The following SFXN5 variants were observed in gnomAD, a reference collection of about 807,000 sequenced individuals.
SFXN5 encodes the protein sideroflexin-5.
SFXN5 carries 43 observed loss-of-function variants against 50.2 expected under a neutral mutation model. That is an observed-to-expected ratio of 0.86 (90% CI 0.67 to 1.11). The LOEUF (loss-of-function observed/expected upper bound fraction) is 1.11. Ranked by LOEUF, SFXN5 falls within the 50% of genes least tolerant of loss-of-function variation. SFXN5 has a pLI of 0.00. For missense variants in SFXN5, 463 were observed against 454.1 expected, an observed-to-expected ratio of 1.02 and a Z score of -0.18; for synonymous variants, 203 against 185.8, an observed-to-expected ratio of 1.09 and a Z score of -0.75.
intron 1 of SFXN5, among the ~76,000 whole-genome samples, chr2:73,069,689 A>G (rs1398741789): frequency 1.3e-5 from 2 of 152,158 alleles, no homozygotes; most frequent in African/African-American, 4.8e-5. Flanking sequence ...ATGTTTATCT[A>G]TGGCTCTAGA....
Position 72,942,552 on chromosome 2 carries a change from C to T in SFXN5, c.*2470G>A, listed in dbSNP as rs1046693416. ...ACCCCAGGCATGAACCAATCTGCCC[C>T]TCAGGCCTCCCTTCCTCTGGCCTCA... On this transcript the variant is annotated 3_prime_UTR_variant, in exon 14 of 14. Coordinates refer to ENST00000272433, the MANE Select transcript of SFXN5 (RefSeq NM_144579.3). 2 of 152,434 alleles carry T rather than the reference C, an allele frequency of 1.3e-5. No individual in the cohort carries two copies. The highest frequency in any genetic ancestry group is 4.8e-5 in the African/African-American group (2 of 41,482). The allele number at this position is 152,434 out of a possible 1,614,324, so 9.4% of individuals were successfully genotyped here. A position where few individuals can be genotyped will look rare whatever the true frequency, so the allele number is the denominator to read the frequency against.
intron 3 of SFXN5, among the ~76,000 whole-genome samples, chr2:73,039,971 C>T (rs928657522): frequency 4.0e-5 from 6 of 151,824 alleles, no homozygotes; most frequent in African/African-American, 9.7e-5. Flanking sequence ...CCACCATGCC[C>T]GGCTGATTTT....
rs1312080739 is a variant in SFXN5 at position 72,950,074 on chromosome 2, C to T, written c.946-4975G>A. Among the ~76,000 whole-genome samples the T allele has an allele frequency of 6.6e-6, 1 of 151,764 alleles. No individual in the cohort carries two copies. The highest frequency in any genetic ancestry group is 1.5e-5 in the Non-Finnish European group (1 of 67,932). On this transcript the variant is annotated intron_variant, in intron 13 of 13. Transcript: ENST00000272433. This position sits in a 1 kb window ranked among gnomAD's most constrained non-coding sequence, Gnocchi z 4.2. ...AAGCGCCCGGGATGTGTGAGCATAG[C>T]CAGATCCTTCAGAGTGGAGGAGCTC...
intron 6 of SFXN5, among the ~76,000 whole-genome samples, chr2:73,018,040 T>C (rs1332414204): frequency 2.0e-5 from 3 of 152,000 alleles, no homozygotes; most frequent in Admixed American, 6.6e-5. Context: ...TCTATCTCTA[T>C]AAAAAAATTT....
At chr2:73,043,085 CAAAT>C (rs753398871) in intron 2 of SFXN5, among the ~76,000 whole-genome samples, 2 of 151,742 alleles carry the variant, frequency 1.3e-5, no homozygotes, top group African/African-American at 2.4e-5. Context: ...AATAAATAAA[CAAAT>C]AAACAAACAG....
chr2:73,063,023 T>G (rs977268166), intron 1 of SFXN5, among the ~76,000 whole-genome samples: 2 of 152,208 alleles, frequency 1.3e-5, no homozygotes, highest in African/African-American at 4.8e-5. Flanking sequence ...GCTGACCGAC[T>G]GTGGGGAAAT....
intron 13 of SFXN5, among the ~76,000 whole-genome samples, chr2:72,947,993 T>C (rs1672152459): frequency 6.6e-6 from 1 of 152,236 alleles, no homozygotes; most frequent in Admixed American, 6.5e-5. Flanking sequence ...ATTTAAAATA[T>C]TCAATGTTTT....
intron 1 of SFXN5, among the ~76,000 whole-genome samples, chr2:73,065,712 G>C (rs1039729616): frequency 2.0e-5 from 3 of 150,196 alleles, no homozygotes; most frequent in Non-Finnish European, 3.0e-5. Context: ...GGGGAATCTT[G>C]AAGGGCTATT....
At chr2:73,054,492 G>C (rs1317460588) in intron 2 of SFXN5, among the ~76,000 whole-genome samples, 1 of 152,158 alleles carries the variant, frequency 6.6e-6, no homozygotes, top group Non-Finnish European at 1.5e-5. Context: ...GGTACAAGGA[G>C]GAGAGTAGTG....
At chr2:73,055,780 C>T (rs188931711) in intron 2 of SFXN5, among the ~76,000 whole-genome samples, 1 of 152,206 alleles carries the variant, frequency 6.6e-6, no homozygotes, top group African/African-American at 2.4e-5. Context: ...CCACGCCTGG[C>T]TAATTTTTTT....
chr2:73,016,471 G>A (rs1370772014), intron 6 of SFXN5, among the ~76,000 whole-genome samples: 1 of 152,182 alleles, frequency 6.6e-6, no homozygotes, highest in African/African-American at 2.4e-5. Context: ...TTGGGAGGCT[G>A]AGGCGAGTGG....
Position 73,022,544 on chromosome 2 carries a change from G to T in SFXN5, c.309C>A (p.Ile103=). Residue 103 remains isoleucine, a synonymous_variant, in exon 5 of 14, where the codon ATC becomes ATA. Transcript: ENST00000272433. Reference sequence around the variant, plus strand: ...TACCTGACATTCTAAATGGCATGAAGATCTTCTCATTGGTGTCCGGATGTA... The same window carrying T: ...TACCTGACATTCTAAATGGCATGAATATCTTCTCATTGGTGTCCGGATGTA... The part of the protein sequence containing the change: ...AILHPDTNEK[I]FMPFRMSGYI... 6.6e-7 allele frequency: 1 copy of T among 1,510,546 alleles called. No individual in the cohort carries two copies. The highest frequency in any genetic ancestry group is 1.1e-5 in the South Asian group (1 of 89,824). The allele number at this position is 1,510,546 out of a possible 1,614,324, so 93.6% of individuals were successfully genotyped here. A position where few individuals can be genotyped will look rare whatever the true frequency, so the allele number is the denominator to read the frequency against.
intron 1 of SFXN5, chr2:73,070,561 G>C (rs1683505367): frequency 6.6e-6 from 1 of 152,272 alleles, no homozygotes; most frequent in African/African-American, 2.4e-5. Flanking sequence ...CTCTCTGCCT[G>C]TTTCCTAATA....
intron 3 of SFXN5, among the ~76,000 whole-genome samples, chr2:73,033,486 T>C (rs1224672642): frequency 6.6e-6 from 1 of 152,084 alleles, no homozygotes; most frequent in Non-Finnish European, 1.5e-5. Context: ...ATAAGTAAGA[T>C]AGTCAGGGTG....
At chr2:73,032,162 T>TCATCCTAGGGTGTCAAGAGTTCGATGGGA in intron 3 of SFXN5, among the ~76,000 whole-genome samples, 1 of 152,094 alleles carries the variant, frequency 6.6e-6, no homozygotes, top group African/African-American at 2.4e-5. Context: ...TGGGGGAGGA[T>TCATCCTAGGGTGTCAAGAGTTCGATGGGA]CATCCTAGGG....
chr2:72,946,459 G>A (rs1365209949), intron 13 of SFXN5, among the ~76,000 whole-genome samples: 2 of 152,118 alleles, frequency 1.3e-5, no homozygotes, highest in African/African-American at 4.8e-5. Flanking sequence ...CGGGGTCCTT[G>A]GGGCTTGGTC....
At chr2:72,982,823 C>T (rs764131196) in intron 10 of SFXN5, among the ~76,000 whole-genome samples, 9 of 152,168 alleles carry the variant, frequency 5.9e-5, no homozygotes, top group South Asian at 4.1e-4. Context: ...GCCTGGGGCC[C>T]GGCAAGAGGG....
intron 1 of SFXN5, among the ~76,000 whole-genome samples, chr2:73,060,195 G>A (rs915959388): frequency 2.6e-5 from 4 of 152,024 alleles, no homozygotes; most frequent in African/African-American, 7.2e-5. Flanking sequence ...GGTAGGGAGG[G>A]TACAAGATGA....
At chr2:73,027,116 G>T (rs1048591174) in intron 3 of SFXN5, among the ~76,000 whole-genome samples, 1 of 152,096 alleles carries the variant, frequency 6.6e-6, no homozygotes, top group African/African-American at 2.4e-5. Flanking sequence ...CCCTTCAGGG[G>T]GTATTCCAGA....
Sources: gnomAD v4.1 joint callset for allele counts (sites outside exome capture counted in the v4.1 genomes callset) on GRCh38, gnomAD v4.1.1 for gene constraint, Gnocchi (gnomAD v3.1) non-coding constraint, MANE v1.5 for transcripts, NCBI Gene and HGNC (gene_info 2026-07-23, HGNC 2026-07-21) for gene names.